EPHA5: variants seen among roughly 807,000 people sequenced by gnomAD.
The protein encoded by EPHA5 is ephrin type-A receptor 5.
EPHA5 carries 60 observed loss-of-function variants against 105.0 expected under a neutral mutation model. The ratio of observed to expected loss-of-function variants is 0.57; its 90% confidence interval spans 0.46 to 0.71. EPHA5 has a LOEUF of 0.71. Ranked by LOEUF, EPHA5 falls within the 30% of genes least tolerant of loss-of-function variation. EPHA5 has a pLI of 0.00. For missense variants in EPHA5, 1,218 were observed against 1,274.7 expected (o/e 0.96, Z 0.68); for synonymous variants, 513 against 449.1 (o/e 1.14, Z -1.80).
chr4:65,411,761 G>A (rs1163944315), intron 7 of EPHA5, among the ~76,000 whole-genome samples: 5 of 151,924 alleles, frequency 3.3e-5, no homozygotes, highest in African/African-American at 4.8e-5. Flanking sequence ...CAAAAGTTCT[G>A]GAAAAAAGTA....
At chr4:65,512,026 T>G (rs1733674206) in intron 3 of EPHA5, among the ~76,000 whole-genome samples, 3 of 152,150 alleles carry the variant, frequency 2.0e-5, no homozygotes. Flanking sequence ...CAGGAGTATG[T>G]GTAAAAGTAA....
In EPHA5 at chr4:65,383,696, TAA is replaced by T. The variant is rs1361641258; in HGVS notation, c.1794-16274_1794-16273del. Among the ~76,000 whole-genome samples the T allele has an allele frequency of 2.0e-5, 3 of 151,624 alleles. No homozygotes were observed. The East Asian group carries it at 5.9e-4, about 30-fold the overall frequency. ...CATAATATCTGCCAGTCTGAAGGAGTAATGGTATCTTCCTACCAACTTATTAT... is the reference window on the plus strand; with the variant it reads ...CATAATATCTGCCAGTCTGAAGGAGTTGGTATCTTCCTACCAACTTATTAT... On this transcript the variant is annotated intron_variant, in intron 8 of 16. Coordinates refer to ENST00000613740, the MANE Select transcript of EPHA5 (RefSeq NM_001281766.3).
Position 65,322,073 on chromosome 4 carries a change from A to T in EPHA5, c.*2041T>A. The T allele has an allele frequency of 4.4e-6, 1 of 226,070 alleles. No homozygotes were observed. The highest frequency in any genetic ancestry group is 8.8e-6 in the Non-Finnish European group (1 of 113,540). The allele number at this position is 226,070 out of a possible 1,614,324, so 14.0% of individuals were successfully genotyped here. On this transcript the variant is annotated 3_prime_UTR_variant, in exon 17 of 17. Coordinates refer to ENST00000613740, the MANE Select transcript of EPHA5 (RefSeq NM_001281766.3). ...GTGATGCTTTTTTATGATTTTATCA[A>T]GAAAATATTAAATTCACATCTCTGG...
intron 3 of EPHA5, among the ~76,000 whole-genome samples, chr4:65,524,980 T>C (rs1374727567): frequency 6.6e-6 from 1 of 151,750 alleles, no homozygotes; most frequent in Non-Finnish European, 1.5e-5. Flanking sequence ...GTCACATCTT[T>C]TTGTGAGTCA....
intron 3 of EPHA5, among the ~76,000 whole-genome samples, chr4:65,561,099 C>T (rs1254363358): frequency 6.6e-6 from 1 of 151,592 alleles, no homozygotes; most frequent in Non-Finnish European, 1.5e-5. Flanking sequence ...TTTTTCTATC[C>T]CCGATAGGCT....
At chr4:65,498,206 T>C (rs572818770) in intron 3 of EPHA5, among the ~76,000 whole-genome samples, 2 of 151,878 alleles carry the variant, frequency 1.3e-5, no homozygotes, top group African/African-American at 2.4e-5. Context: ...ATCAAGAAGA[T>C]AGTCAGAATA....
intron 5 of EPHA5, among the ~76,000 whole-genome samples, chr4:65,473,434 T>C (rs1364574582): frequency 6.6e-6 from 1 of 152,198 alleles, no homozygotes; most frequent in Non-Finnish European, 1.5e-5. Flanking sequence ...TTTAATTGAC[T>C]CACAGTTCTT....
rs377726409 is a variant in EPHA5, at chr4:65,389,254, G to A, written c.1793+15120C>T. Among the ~76,000 whole-genome samples the A allele has an allele frequency of 3.3e-5, 5 of 152,092 alleles. No homozygotes were observed. In the South Asian group the frequency reaches 8.3e-4, roughly 25 times the overall value. The stretch of plus-strand genomic sequence containing the variant: ...GCATCCTTAAAAATATAGCATTGTG[G>A]TGCTGGCATATCCAAAAATCTCTTG... On this transcript the variant is annotated intron_variant, in intron 8 of 16. Transcript: ENST00000613740.
chr4:65,348,007 A>T (rs1411718648), intron 14 of EPHA5, 47 bp downstream of exon 14: 1 of 1,506,518 alleles, frequency 6.6e-7, no homozygotes, highest in Non-Finnish European at 8.9e-7. Context: ...GACTCAGAGA[A>T]CAAAGCATTT....
chr4:65,370,964 C>G (rs1329249874), intron 8 of EPHA5, among the ~76,000 whole-genome samples: 1 of 152,046 alleles, frequency 6.6e-6, no homozygotes, highest in Non-Finnish European at 1.5e-5. Flanking sequence ...TTTCAGGAAG[C>G]CTGTTCATTC....
At chr4:65,631,036 T>C (rs112924547) in intron 2 of EPHA5, among the ~76,000 whole-genome samples, 5,720 of 152,198 alleles carry the variant, frequency 0.038, 351 homozygotes, top group African/African-American at 0.13. Context: ...TCAATTTTAT[T>C]ATTGAGCACA....
intron 6 of EPHA5, among the ~76,000 whole-genome samples, chr4:65,415,118 AG>A (rs1242467649): frequency 6.6e-6 from 1 of 152,188 alleles, no homozygotes; most frequent in Non-Finnish European, 1.5e-5. Flanking sequence ...ACTGAAACAA[AG>A]AGGAACTTTT....
At chr4:65,661,395 T>C (rs150704031) in intron 1 of EPHA5, among the ~76,000 whole-genome samples, 125 of 152,264 alleles carry the variant, frequency 8.2e-4, no homozygotes, top group African/African-American at 2.8e-3. Context: ...GTTGTTGTTA[T>C]TGTTGCCTTC....
At chr4:65,511,485 A>G (rs1309249119) in intron 3 of EPHA5, among the ~76,000 whole-genome samples, 1 of 152,168 alleles carries the variant, frequency 6.6e-6, no homozygotes, top group Non-Finnish European at 1.5e-5. Flanking sequence ...GACTACATCA[A>G]ATATATTTTG....
At chr4:65,637,056 G>A (rs1244212332) in intron 2 of EPHA5, among the ~76,000 whole-genome samples, 1 of 151,864 alleles carries the variant, frequency 6.6e-6, no homozygotes, top group African/African-American at 2.4e-5. Flanking sequence ...TCATGAGGCA[G>A]ACCAACAGGC....
At chr4:65,472,910 C>A (rs1021087483) in intron 5 of EPHA5, among the ~76,000 whole-genome samples, 1 of 152,186 alleles carries the variant, frequency 6.6e-6, no homozygotes, top group African/African-American at 2.4e-5. Context: ...GAATTTCTCC[C>A]GAGAAAATGG....
chr4:65,478,556 C>T (rs1447206081), intron 5 of EPHA5, among the ~76,000 whole-genome samples: 1 of 152,080 alleles, frequency 6.6e-6, no homozygotes, highest in Non-Finnish European at 1.5e-5. Flanking sequence ...ACTCCAACTT[C>T]CCCCTCCTGA....
At chr4:65,415,865 C>A (rs1431538456) in intron 6 of EPHA5, among the ~76,000 whole-genome samples, 1 of 151,928 alleles carries the variant, frequency 6.6e-6, no homozygotes, top group Admixed American at 6.6e-5. Flanking sequence ...CAAATAATTT[C>A]TTAATGTGTT....
intron 5 of EPHA5, among the ~76,000 whole-genome samples, chr4:65,456,262 G>A (rs760882016): frequency 1.3e-5 from 2 of 151,926 alleles, no homozygotes; most frequent in Non-Finnish European, 2.9e-5. Context: ...TTCCTTGGCC[G>A]ATTTCACAGC....
Sources: gnomAD v4.1 joint callset for allele counts (sites outside exome capture counted in the v4.1 genomes callset) on GRCh38, gnomAD v4.1.1 for gene constraint, MANE v1.5 for transcripts, NCBI Gene and HGNC (gene_info 2026-07-23, HGNC 2026-07-21) for gene names.